LMNA: variants seen among roughly 807,000 people sequenced by gnomAD.
LMNA encodes lamin A/C, also known as lamin.
Under a neutral mutation model 70.4 loss-of-function variants are expected in LMNA, and 20 were observed. That is an observed-to-expected ratio of 0.28 (90% CI 0.20 to 0.41). The LOEUF (loss-of-function observed/expected upper bound fraction) is 0.41, where lower values mean the gene tolerates loss of function less well. Among genes scored for constraint, LMNA ranks in the 10% least tolerant of loss-of-function variants. The probability of loss-of-function intolerance (pLI) is 1.00; values close to 1 mark genes in which losing one functional copy is unlikely to be tolerated. For synonymous variants in LMNA, 339 were observed against 372.8 expected (o/e 0.91, Z 1.04); for missense variants, 652 against 917.2 (o/e 0.71, Z 3.73).
Position 156,137,826 on chromosome 1 carries a change from G to C in LMNA, c.1698+83G>C. 2.6e-6 allele frequency: 4 copies of C among 1,541,796 alleles called. No individual in the cohort carries two copies. Among genetic ancestry groups the C allele is most frequent in the Middle Eastern group, 2.3e-4 (1 of 4,382 alleles). ...GGGGCAGCCTCTCCCCAGCCTCCCC[G>C]TGCCAAAAATCTTTTCATTAAAGAA... On this transcript the variant is annotated intron_variant, in intron 10 of 11. Coordinates refer to ENST00000368300, the MANE Select transcript of LMNA (RefSeq NM_170707.4). This position sits in a 1 kb window ranked among gnomAD's most constrained non-coding sequence, Gnocchi z 4.6.
At chr1:156,126,189 G>T in intron 1 of LMNA, 1 of 1,528,050 alleles carries the variant, frequency 6.5e-7, no homozygotes, top group Non-Finnish European at 8.7e-7. Context: ...CTCCCTTCCT[G>T]TGTGCTGCCT....
upstream of LMNA, among the ~76,000 whole-genome samples, chr1:156,111,020 A>G (rs1329780826): frequency 2.6e-5 from 4 of 152,132 alleles, no homozygotes; most frequent in Non-Finnish European, 5.9e-5. Context: ...GCCAGGTGTT[A>G]GGGAGACAGA....
chr1:156,121,259 G>C (rs1650169855), intron 1 of LMNA, among the ~76,000 whole-genome samples: 1 of 151,910 alleles, frequency 6.6e-6, no homozygotes. Context: ...ATGTTACTCA[G>C]GCTGGTCTTG....
chr1:156,117,079 ATTTTTTTTTT>A (rs150049994), intron 1 of LMNA, among the ~76,000 whole-genome samples: 1 of 112,668 alleles, frequency 8.9e-6, no homozygotes, highest in African/African-American at 3.4e-5. Flanking sequence ...ACACATGGCT[ATTTTTTTTTT>A]TTTTTTTTTT....
In LMNA at chr1:156,139,943, C is replaced by T. The variant is rs956914566; in HGVS notation, c.*837C>T. On this transcript the variant is annotated 3_prime_UTR_variant, in exon 12 of 12. Transcript: ENST00000368300. ...CACTGGAAAGGGGAGAGCCTGCTGG[C>T]ACCCACCGTGGAGGAGGAAGGCAAG... The T allele has an allele frequency of 4.6e-6, 5 of 1,089,830 alleles. No individual in the cohort carries two copies. Among genetic ancestry groups the T allele is most frequent in the Non-Finnish European group, 6.3e-6 (5 of 796,582 alleles). 67.5% of individuals were successfully genotyped at this position (1,089,830 alleles called of 1,614,324 possible).
intron 3 of LMNA, among the ~76,000 whole-genome samples, chr1:156,093,298 A>AGTTTTTTT (rs1399858052): frequency 7.3e-6 from 1 of 137,224 alleles, no homozygotes. Flanking sequence ...TTTATATGTC[A>AGTTTTTTT]ATTTTTTTTT....
intron 2 of LMNA, among the ~76,000 whole-genome samples, chr1:156,131,516 A>T (rs1026849406): frequency 1.3e-5 from 2 of 152,032 alleles, no homozygotes; most frequent in South Asian, 4.1e-4. Context: ...CTTGAACCTG[A>T]GAGGTCGAGG....
chr1:156,124,375 G>A (rs574040414), intron 1 of LMNA, among the ~76,000 whole-genome samples: 11 of 151,948 alleles, frequency 7.2e-5, no homozygotes, highest in East Asian at 5.8e-4. Context: ...TGCAAACTCC[G>A]CCTCCTGGGT....
At chr1:156,129,055 C>G (rs912488870) in intron 1 of LMNA, among the ~76,000 whole-genome samples, 1 of 152,250 alleles carries the variant, frequency 6.6e-6, no homozygotes, top group East Asian at 1.9e-4. Flanking sequence ...CAGCCAAAAC[C>G]TGAGCTGGGT....
In LMNA at chr1:156,137,082, G is replaced by T. The variant is rs199686967; in HGVS notation, c.1489-31G>T. 2.9e-4 allele frequency: 470 copies of T among 1,614,082 alleles called. 1 individual carries two copies. In the African/African-American group the frequency reaches 3.6e-3, roughly 12 times the overall value. ...GGAGGCCTTGGGTGGCGATGGGAGC[G>T]CTGGGGTAAGTGTCCTTTTCTCCTC... On this transcript the variant is annotated intron_variant, in intron 8 of 11. Coordinates refer to ENST00000368300, the MANE Select transcript of LMNA (RefSeq NM_170707.4). The surrounding 1 kb of genome is among the most constrained non-coding windows in gnomAD (Gnocchi z 4.6).
chr1:156,113,287 G>C (rs36221304), upstream of LMNA, among the ~76,000 whole-genome samples: 71 of 152,180 alleles, frequency 4.7e-4, no homozygotes, highest in African/African-American at 1.7e-3. Context: ...CTGGGTGAGA[G>C]AGCAAGACTT....
At position 156,138,890 on chromosome 1, in the gene LMNA, C is replaced by T; in HGVS notation, c.1968+133C>T. On this transcript the variant is annotated intron_variant, in intron 11 of 11. Coordinates refer to ENST00000368300, the MANE Select transcript of LMNA (RefSeq NM_170707.4). The surrounding 1 kb of genome is among the most constrained non-coding windows in gnomAD (Gnocchi z 5.5). ...CCCGGGGGAGTGGGAGCCTCCTCCCCACAGCCTGAGTCCTAGACAGCCCAC... is the reference window on the plus strand; with the variant it reads ...CCCGGGGGAGTGGGAGCCTCCTCCCTACAGCCTGAGTCCTAGACAGCCCAC... 1 of 1,360,846 alleles carries T rather than the reference C, an allele frequency of 7.3e-7. No individual in the cohort carries two copies. Among genetic ancestry groups the T allele is most frequent in the Non-Finnish European group, 1.0e-6 (1 of 967,372 alleles). 84.3% of individuals were successfully genotyped at this position (1,360,846 alleles called of 1,614,324 possible).
Position 156,136,892 on chromosome 1 carries a change from G to C in LMNA, c.1381-29G>C. ...CCCAAGAGCCTGGGTGAGCCTCCCC[G>C]ACCTTCCTCTTCCCTATCTTCCCGG... is the stretch of plus-strand genomic sequence containing the variant. On this transcript the variant is annotated intron_variant, in intron 7 of 11. Transcript: ENST00000368300. This position sits in a 1 kb window ranked among gnomAD's most constrained non-coding sequence, Gnocchi z 6.1. 1 of 1,598,658 alleles carries C rather than the reference G, an allele frequency of 6.3e-7. No individual in the cohort carries two copies. The highest frequency in any genetic ancestry group is 1.1e-5 in the South Asian group (1 of 89,510).
Position 156,139,240 on chromosome 1 carries a change from G to T in LMNA, c.*134G>T. The T allele has an allele frequency of 2.1e-6, 3 of 1,437,624 alleles. No homozygotes were observed. The South Asian group carries it at 4.1e-5, about 20-fold the overall frequency. 89.1% of individuals were successfully genotyped at this position (1,437,624 alleles called of 1,614,324 possible). On this transcript the variant is annotated 3_prime_UTR_variant, in exon 12 of 12. Transcript: ENST00000368300. ...AATAACCCTTTGGTTTTTTTCTTCT[G>T]TATTTTTTTTTCTAAGAGAAGTTAT...
rs140162498 is a variant in LMNA, at chr1:156,127,462, G to A, written c.357-3155G>A. Among the ~76,000 whole-genome samples the A allele has an allele frequency of 4.8e-4, 71 of 149,356 alleles. No homozygotes were observed. In the East Asian group the frequency reaches 0.011, roughly 23 times the overall value. ...AGTCCTTTAATCTCCTCTCTTTGCA[G>A]TGCTAGTCAAAACCTCCACCAGGGA... On this transcript the variant is annotated intron_variant, in intron 1 of 11. Transcript: ENST00000368300.
chr1:156,126,750 G>A, intron 1 of LMNA: 2 of 1,573,982 alleles, frequency 1.3e-6, no homozygotes, highest in Non-Finnish European at 1.7e-6. Flanking sequence ...GCCAGTGATG[G>A]GAAGAGTTAG....
chr1:156,103,912 A>G lies in LMNA; in HGVS notation c.-206-10801A>G, dbSNP rs1649229805. Among the ~76,000 whole-genome samples the G allele has an allele frequency of 6.6e-6, 1 of 151,004 alleles. No individual in the cohort carries two copies. The highest frequency in any genetic ancestry group is 2.1e-4 in the South Asian group (1 of 4,788). ...CCCTTTCGAAGCCTCTAGTGGAGTC[A>G]CTCCTTTCCTTCCCCGAACCCGGCC... On this transcript the variant is annotated intron_variant, in intron 3 of 12. Coordinates refer to the LMNA transcript ENST00000368301. This position sits in a 1 kb window ranked among gnomAD's most constrained non-coding sequence, Gnocchi z 4.7.
At chr1:156,125,545 T>A (rs1362041660) in intron 1 of LMNA, among the ~76,000 whole-genome samples, 1 of 146,002 alleles carries the variant, frequency 6.8e-6, no homozygotes, top group Non-Finnish European at 1.5e-5. Context: ...AAAAATTAGC[T>A]GGGTGTGGTG....
At position 156,103,407 on chromosome 1, in the gene LMNA, G is replaced by T. The variant is rs554987082; in HGVS notation, c.-206-11306G>T. The stretch of plus-strand genomic sequence containing the variant: ...TGCCCCTCTTGTGTGCTGGGCCCTC[G>T]CACTTCCTCTGTCTGGGACTCCTCT... On this transcript the variant is annotated intron_variant, in intron 3 of 12. Transcript: ENST00000368301. The surrounding 1 kb of genome is among the most constrained non-coding windows in gnomAD (Gnocchi z 4.7). Among the ~76,000 whole-genome samples the T allele has an allele frequency of 6.6e-6, 1 of 152,110 alleles. No individual in the cohort carries two copies. The highest frequency in any genetic ancestry group is 2.4e-5 in the African/African-American group (1 of 41,394).
Sources: allele counts gnomAD v4.1 joint callset (sites outside exome capture counted in the v4.1 genomes callset), GRCh38; gene constraint gnomAD v4.1.1; non-coding constraint Gnocchi (gnomAD v3.1); transcripts MANE v1.5; gene names NCBI Gene and HGNC (gene_info 2026-07-23, HGNC 2026-07-21).